UGT2B28: variants seen among roughly 807,000 people sequenced by gnomAD.
The protein encoded by UGT2B28 is UDP glucuronosyltransferase family 2 member B28.
A neutral mutation model predicts 43.6 loss-of-function variants in UGT2B28; 45 were observed. The ratio of observed to expected loss-of-function variants is 1.03; its 90% CI spans 0.81 to 1.32. The LOEUF (loss-of-function observed/expected upper bound fraction) is 1.32, where lower values mean the gene tolerates loss of function less well. Ranked by LOEUF, UGT2B28 falls within the 40% of genes most tolerant of loss-of-function variation. The probability of loss-of-function intolerance (pLI) is 0.00; values close to 1 mark genes in which losing one functional copy is unlikely to be tolerated. For synonymous variants in UGT2B28, 204 were observed against 208.1 expected (o/e 0.98, Z 0.17); for missense variants, 649 against 625.5 (o/e 1.04, Z -0.40).
intron 1 of UGT2B28, among the ~76,000 whole-genome samples, chr4:69,281,467 C>A (rs571653664): frequency 7.1e-6 from 1 of 140,722 alleles, no homozygotes; most frequent in East Asian, 2.0e-4. Context: ...TATATTAGTA[C>A]ACCTAAGACT....
In UGT2B28 at chr4:69,291,918, G is replaced by A. The variant is rs143778134; in HGVS notation, c.1310+1107G>A. ...TTTTGTTACAGCCTTCTTAGTGGGT[G>A]TAAAATGATCTCTCATCCTGGTCTT... On this transcript the variant is annotated intron_variant, in intron 5 of 5. Coordinates refer to ENST00000335568, the MANE Select transcript of UGT2B28 (RefSeq NM_053039.2). Among the ~76,000 whole-genome samples, 1,039 of 140,270 alleles carry A rather than the reference G, an allele frequency of 7.4e-3. 231 individuals are homozygous for A. The highest frequency in any genetic ancestry group is 0.026 in the African/African-American group (951 of 36,018). The allele number at this position is 140,270 out of a possible 152,430, so 92.0% of individuals were successfully genotyped here.
intron 2 of UGT2B28, among the ~76,000 whole-genome samples, chr4:69,285,411 G>T (rs184054078): frequency 7.2e-6 from 1 of 139,202 alleles, no homozygotes; most frequent in African/African-American, 2.8e-5. Flanking sequence ...CTAAACAGAG[G>T]TTAGATTCCT....
At chr4:69,289,820 T>G in intron 4 of UGT2B28, 68 bp downstream of exon 4, 1 of 1,368,242 alleles carries the variant, frequency 7.3e-7, no homozygotes, top group South Asian at 1.4e-5. Flanking sequence ...TAGTTTATCT[T>G]GAAACATGCT....
chr4:69,284,924 TA>T lies in UGT2B28; in HGVS notation c.871-1821del, dbSNP rs532849966. On this transcript the variant is annotated intron_variant, in intron 2 of 5. Transcript: ENST00000335568. ...TTTATAATATATTCACGTGAAATCATAAAAAAATCAAGTTGTACCTATTAAA... is the reference window on the plus strand; with the variant it reads ...TTTATAATATATTCACGTGAAATCATAAAAAATCAAGTTGTACCTATTAAA... Among the ~76,000 whole-genome samples, 292 of 140,196 alleles carry T rather than the reference TA, an allele frequency of 2.1e-3. 35 individuals are homozygous for T. Among genetic ancestry groups the T allele is most frequent in the Admixed American group, 4.2e-3 (58 of 13,946 alleles). The allele number at this position is 140,196 out of a possible 152,430, so 92.0% of individuals were successfully genotyped here.
intron 1 of UGT2B28, among the ~76,000 whole-genome samples, chr4:69,281,620 AG>A (rs963423486): frequency 1.4e-5 from 2 of 141,084 alleles, no homozygotes; most frequent in Non-Finnish European, 3.0e-5. Context: ...AACTGCAGAA[AG>A]TTTTCCTTGT....
chr4:69,294,383 T>G (rs1724041718), intron 5 of UGT2B28, 147 bp from the exon 6 acceptor site: 1 of 908,000 alleles, frequency 1.1e-6, no homozygotes, highest in Non-Finnish European at 1.4e-6. Context: ...CTATCTATGA[T>G]GACTCAAATT....
chr4:69,287,509 C>T (rs908689498), intron 3 of UGT2B28, among the ~76,000 whole-genome samples: 1 of 140,442 alleles, frequency 7.1e-6, no homozygotes, highest in African/African-American at 2.8e-5. Flanking sequence ...AAGTCAAATG[C>T]TTATGTGAAA....
chr4:69,292,368 T>C (rs1333339567), intron 5 of UGT2B28, among the ~76,000 whole-genome samples: 1 of 140,132 alleles, frequency 7.1e-6, no homozygotes, highest in East Asian at 2.0e-4. Context: ...TAAAAATACT[T>C]TATCCCAAAG....
intron 2 of UGT2B28, among the ~76,000 whole-genome samples, chr4:69,285,305 T>G (rs1723738646): frequency 7.1e-6 from 1 of 140,726 alleles, no homozygotes; most frequent in Non-Finnish European, 1.5e-5. Context: ...TAAAACGCTT[T>G]TCATACTTTT....
intron 4 of UGT2B28, 76 bp downstream of exon 4, chr4:69,289,828 G>A: frequency 7.5e-7 from 1 of 1,339,224 alleles, no homozygotes; most frequent in Non-Finnish European, 1.0e-6. Context: ...CTTGAAACAT[G>A]CTTATTGAAT....
chr4:69,286,657 A>G (rs1318613708), intron 2 of UGT2B28, 95 bp from the exon 3 acceptor site: 1 of 1,428,080 alleles, frequency 7.0e-7, no homozygotes, highest in African/African-American at 1.7e-5. Context: ...ATTCCTCAAA[A>G]TACTTGATTT....
Position 69,292,818 on chromosome 4 carries a change from C to A in UGT2B28, c.1311-1712C>A, listed in dbSNP as rs1374100026. 2.9e-5 allele frequency among the ~76,000 whole-genome samples: 4 copies of A among 139,114 alleles called. 1 individual carries two copies. The highest frequency in any genetic ancestry group is 2.4e-4 in the South Asian group (1 of 4,170). The allele number at this position is 139,114 out of a possible 152,430, so 91.3% of individuals were successfully genotyped here. ...TATGATCCAGCCATAGTGGAAATAA[C>A]GGAGGTTAAAAATACTATTACTAAA... is the stretch of plus-strand genomic sequence containing the variant. On this transcript the variant is annotated intron_variant, in intron 5 of 5. Transcript: ENST00000335568.
chr4:69,281,183 A>T lies in UGT2B28; in HGVS notation c.683A>T (p.Asp228Val). 6.5e-7 allele frequency: 1 copy of T among 1,543,140 alleles called. No individual in the cohort carries two copies. Residue 228 changes from aspartate to valine, a missense_variant, in exon 1 of 6, where the codon GAT becomes GTT. Transcript: ENST00000335568. ...TTTGACTTTTGGTTCCAAATGTGTG[A>T]TATGAAGAAGTGGGATCAGTTTTAC... ...LYFDFWFQMC[D>V]MKKWDQFYSE...
rs567092217 is a variant in UGT2B28 at position 69,280,593 on chromosome 4, T to A, written c.93T>A (p.Gly31=). Reference sequence around the variant, plus strand: ...GTGGAAAGGTGCTGGTGTGGACCGGTGAATACAGCCATTGGATGAATATGA... The same window carrying A: ...GTGGAAAGGTGCTGGTGTGGACCGGAGAATACAGCCATTGGATGAATATGA... ...GSCGKVLVWT[G]EYSHWMNMKT... Residue 31 remains glycine (G), a synonymous_variant, in exon 1 of 6, where the codon GGT becomes GGA. Coordinates refer to ENST00000335568, the MANE Select transcript of UGT2B28 (RefSeq NM_053039.2). 22 of 1,560,570 alleles carry A rather than the reference T, an allele frequency of 1.4e-5. 6 individuals are homozygous for A. Among genetic ancestry groups the A allele is most frequent in the Middle Eastern group, 1.7e-4 (1 of 5,854 alleles).
Position 69,289,182 on chromosome 4 carries a change from G to A in UGT2B28, c.1003-483G>A, listed in dbSNP as rs1374071615. Among the ~76,000 whole-genome samples the A allele has an allele frequency of 2.9e-5, 4 of 139,570 alleles. No individual in the cohort carries two copies. In the East Asian group the frequency reaches 8.2e-4, roughly 29 times the overall value. The allele number at this position is 139,570 out of a possible 152,430, so 91.6% of individuals were successfully genotyped here. A position where few individuals can be genotyped will look rare whatever the true frequency, so the allele number is the denominator to read the frequency against. ...AATGGCCACACTGTCTTCCACAATG[G>A]TTGAACTAACTTACATTCCAACCAA... On this transcript the variant is annotated intron_variant, in intron 3 of 5. Coordinates refer to ENST00000335568, the MANE Select transcript of UGT2B28 (RefSeq NM_053039.2).
rs754985883 is a variant in UGT2B28, at chr4:69,290,794, A to G, written c.1293A>G (p.Thr431=). The G allele has an allele frequency of 1.6e-5, 25 of 1,559,604 alleles. 4 individuals are homozygous for G. In the South Asian group the frequency reaches 2.6e-4, roughly 16 times the overall value. The stretch of plus-strand genomic sequence containing the variant: ...CAGACCTGCTGAATGCACTGAAGAC[A>G]GTAATTAATGATCCTTCGTGAGTAG... ...SSTDLLNALK[T]VINDPSYKEN... The change falls in exon 5 of 6, where the codon ACA becomes ACG. Residue 431 remains threonine (T), a synonymous_variant. Coordinates refer to ENST00000335568, the MANE Select transcript of UGT2B28 (RefSeq NM_053039.2).
intron 5 of UGT2B28, among the ~76,000 whole-genome samples, chr4:69,291,340 C>T (rs1723949675): frequency 7.1e-6 from 1 of 140,282 alleles, no homozygotes; most frequent in Admixed American, 7.1e-5. Context: ...AATTTTAGAA[C>T]ATTTTTATCA....
chr4:69,292,711 T>C (rs1349051086), intron 5 of UGT2B28, among the ~76,000 whole-genome samples: 2 of 140,130 alleles, frequency 1.4e-5, no homozygotes, highest in Non-Finnish European at 3.1e-5. Flanking sequence ...CGTCAAATAG[T>C]TAATCTTTAC....
In UGT2B28 at chr4:69,286,299, A is replaced by G. The variant is rs1343129892; in HGVS notation, c.871-453A>G. 1.4e-5 allele frequency among the ~76,000 whole-genome samples: 2 copies of G among 141,542 alleles called. 1 individual carries two copies. The highest frequency in any genetic ancestry group is 5.5e-5 in the African/African-American group (2 of 36,264). 92.9% of individuals were successfully genotyped at this position (141,542 alleles called of 152,430 possible). A position where few individuals can be genotyped will look rare whatever the true frequency, so the allele number is the denominator to read the frequency against. On this transcript the variant is annotated intron_variant, in intron 2 of 5. Transcript: ENST00000335568. The stretch of plus-strand genomic sequence containing the variant: ...CTCATATTTAGGGAAGTAGATCACT[A>G]ATGGCTTCAAACTAAAAGAATTCTA...
Sources: gnomAD v4.1 joint callset for allele counts (sites outside exome capture counted in the v4.1 genomes callset) on GRCh38, gnomAD v4.1.1 for gene constraint, MANE v1.5 for transcripts, NCBI Gene and HGNC (gene_info 2026-07-23, HGNC 2026-07-21) for gene names.